The following DHX29 variants were observed in gnomAD, a reference collection of about 807,000 sequenced individuals.
DHX29 encodes the protein DExH-box helicase 29.
In DHX29, 79 loss-of-function variants were observed where a neutral mutation model predicts 167.9. That is an observed-to-expected ratio of 0.47 (90% CI 0.39 to 0.57). The LOEUF (loss-of-function observed/expected upper bound fraction) is 0.57. Among genes scored for constraint, DHX29 ranks in the 20% least tolerant of loss-of-function variants. The pLI, the probability that DHX29 is intolerant of heterozygous loss-of-function variation, is 0.00. For missense variants in DHX29, 1,347 were observed against 1,593.4 expected, an observed-to-expected ratio of 0.85 and a Z score of 2.63; for synonymous variants, 530 against 546.0, an observed-to-expected ratio of 0.97 and a Z score of 0.41.
chr5:55,282,757 A>G (rs1747498454), intron 11 of DHX29, among the ~76,000 whole-genome samples: 1 of 151,982 alleles, frequency 6.6e-6, no homozygotes, highest in African/African-American at 2.4e-5. Context: ...TTTTTTAAAT[A>G]TGGGGTTGGA....
At chr5:55,275,989 G>A (rs1034898936) in intron 14 of DHX29, among the ~76,000 whole-genome samples, 1 of 152,116 alleles carries the variant, frequency 6.6e-6, no homozygotes, top group Non-Finnish European at 1.5e-5. Context: ...ATAAAAAGAA[G>A]TTGCTTCTAA....
chr5:55,294,806 A>T (rs1339020771), intron 5 of DHX29: 1 of 152,794 alleles, frequency 6.5e-6, no homozygotes, highest in East Asian at 1.9e-4. Flanking sequence ...TTACAGTCCC[A>T]TTATTCACAC....
At chr5:55,257,491 C>G (rs1449520595) in intron 26 of DHX29, among the ~76,000 whole-genome samples, 2 of 152,112 alleles carry the variant, frequency 1.3e-5, no homozygotes, top group Non-Finnish European at 2.9e-5. Flanking sequence ...GTGGTGTGAT[C>G]ACAGCTCACT....
In DHX29 at chr5:55,262,852, G is replaced by T. The variant is rs1370186802; in HGVS notation, c.3606C>A (p.Asn1202Lys). ...SSTTSTSWEG[N>K]RASQTLSFQE... ...GGAATGAGAGGGTCTGTGAGGCTCT[G>T]TTTCCTTCCCAGCTGGTAGAAGTTG... is the stretch of plus-strand genomic sequence containing the variant. Residue 1202 changes from asparagine (N) to lysine (K), a missense_variant, in exon 24 of 27, where the codon AAC (asparagine) becomes AAA (lysine). Asn to Lys is a moderately conservative substitution (Grantham distance 94). Around this residue, in one of 3 missense-constraint regions of DHX29, gnomAD observed 882 missense variants for 1,082.4 expected, o/e 0.81. Transcript: ENST00000251636. 1 of 1,614,002 alleles carries T rather than the reference G, an allele frequency of 6.2e-7. No individual in the cohort carries two copies. Among genetic ancestry groups the T allele is most frequent in the Admixed American group, 1.7e-5 (1 of 60,022 alleles).
At chr5:55,297,595 A>C (rs181753844) in intron 2 of DHX29, among the ~76,000 whole-genome samples, 197 bp from the exon 3 acceptor site, 1 of 152,312 alleles carries the variant, frequency 6.6e-6, no homozygotes, top group East Asian at 1.9e-4. Context: ...GTGATATGAA[A>C]AAAGCAACAA....
chr5:55,267,165 A>G lies in DHX29; in HGVS notation c.3498T>C (p.Leu1166=). ...SEITYCRRNF[L]NRTSLLTLED... Reference sequence around the variant, plus strand: ...CTAGGGTTAACAGTGATGTTCTATTAAGAAAGTTCCTCCGGCAGTATGTGA... The same window carrying G: ...CTAGGGTTAACAGTGATGTTCTATTGAGAAAGTTCCTCCGGCAGTATGTGA... The change falls in exon 23 of 27, where the codon CTT becomes CTC. Residue 1166 remains leucine, a synonymous_variant. Transcript: ENST00000251636. 1 of 1,612,718 alleles carries G rather than the reference A, an allele frequency of 6.2e-7. No homozygotes were observed. Among genetic ancestry groups the G allele is most frequent in the Non-Finnish European group, 8.5e-7 (1 of 1,179,106 alleles).
At chr5:55,291,868 G>A (rs1461717529) in intron 6 of DHX29, among the ~76,000 whole-genome samples, 1 of 152,076 alleles carries the variant, frequency 6.6e-6, no homozygotes, top group Non-Finnish European at 1.5e-5. Flanking sequence ...CTTTTTTAAG[G>A]CTGAATACTA....
intron 12 of DHX29, among the ~76,000 whole-genome samples, chr5:55,278,352 A>T (rs1747227976): frequency 6.6e-6 from 1 of 152,234 alleles, no homozygotes; most frequent in Non-Finnish European, 1.5e-5. Flanking sequence ...TCTGAAATCA[A>T]TTGCTAGGGT....
At chr5:55,288,138 G>C (rs1747840761) in intron 8 of DHX29, among the ~76,000 whole-genome samples, 1 of 152,046 alleles carries the variant, frequency 6.6e-6, no homozygotes, top group South Asian at 2.1e-4. Flanking sequence ...AGCTACTTGG[G>C]AGGCTGAGGC....
Position 55,272,069 on chromosome 5 carries a change from T to G in DHX29, c.2864+18A>C, listed in dbSNP as rs1236665362. On this transcript the variant is annotated intron_variant, in intron 18 of 26. Transcript: ENST00000251636. Reference sequence around the variant, plus strand: ...TTTCCAGGTTAAAAATGTTTTGATTTGGGAAATTTAAACTTACTTATTTTC... The same window carrying G: ...TTTCCAGGTTAAAAATGTTTTGATTGGGGAAATTTAAACTTACTTATTTTC... 1.4e-6 allele frequency: 2 copies of G among 1,438,708 alleles called. No homozygotes were observed. Among genetic ancestry groups the G allele is most frequent in the South Asian group, 2.5e-5 (2 of 79,760 alleles). The allele number at this position is 1,438,708 out of a possible 1,614,324, so 89.1% of individuals were successfully genotyped here. A position where few individuals can be genotyped will look rare whatever the true frequency, so the allele number is the denominator to read the frequency against.
chr5:55,277,608 G>A (rs890303904), intron 12 of DHX29, among the ~76,000 whole-genome samples: 2 of 151,986 alleles, frequency 1.3e-5, no homozygotes, highest in Admixed American at 6.6e-5. Context: ...TTTGAGGGGT[G>A]CATGAAAAAG....
chr5:55,277,170 T>C lies in DHX29; in HGVS notation c.2222A>G (p.Lys741Arg). ...GCAGTGTGTGAAATATGTAGAAAAT[T>C]TTTCGCTGTCCACAGTGGCACTCAT... ...ILMSATVDSEKFSTYFTHCPI... is the reference protein window; with the variant it reads ...ILMSATVDSERFSTYFTHCPI... The change falls in exon 13 of 27, where the codon AAA becomes AGA. Residue 741 changes from lysine to arginine, a missense_variant. Lys to Arg is a conservative substitution (Grantham distance 26). Around this residue, in one of 3 missense-constraint regions of DHX29, gnomAD observed 882 missense variants for 1,082.4 expected, o/e 0.81. Transcript: ENST00000251636. 6.2e-7 allele frequency: 1 copy of C among 1,612,940 alleles called. No individual in the cohort carries two copies. Among genetic ancestry groups the C allele is most frequent in the Non-Finnish European group, 8.5e-7 (1 of 1,179,294 alleles).
intron 26 of DHX29, among the ~76,000 whole-genome samples, chr5:55,256,999 T>G (rs1489571404): frequency 6.6e-6 from 1 of 152,168 alleles, no homozygotes; most frequent in Non-Finnish European, 1.5e-5. Flanking sequence ...GTTACCAGTT[T>G]CTCCATGTTT....
chr5:55,300,313 TAC>T (rs923200173), intron 1 of DHX29, among the ~76,000 whole-genome samples: 3 of 152,082 alleles, frequency 2.0e-5, no homozygotes, highest in Non-Finnish European at 2.9e-5. Context: ...CAGTAGTAGC[TAC>T]AGTGAGCTGT....
rs532532554 is a variant in DHX29 at position 55,260,136 on chromosome 5, G to A, written c.3961-192C>T. On this transcript the variant is annotated intron_variant, in intron 25 of 26. Transcript: ENST00000251636. ...CCTGTCAATTTCCTTATTAAATCTG[G>A]TAACTCTTCCCAAAATAAGGCAACT... Among the ~76,000 whole-genome samples, 12 of 152,220 alleles carry A rather than the reference G, an allele frequency of 7.9e-5. No homozygotes were observed. In the South Asian group the frequency reaches 1.2e-3, roughly 16 times the overall value.
At chr5:55,281,283 T>G in intron 12 of DHX29, 89 bp downstream of exon 12, 1 of 1,133,726 alleles carries the variant, frequency 8.8e-7, no homozygotes, top group Non-Finnish European at 1.2e-6. Flanking sequence ...TTAGTAAGCA[T>G]AAAGAAAATG....
chr5:55,289,409 G>T lies in DHX29; in HGVS notation c.927C>A (p.Asp309Glu). 1 of 1,543,098 alleles carries T rather than the reference G, an allele frequency of 6.5e-7. No homozygotes were observed. Residue 309 changes from aspartate to glutamate, a missense_variant, in exon 8 of 27, where the codon GAC (aspartate) becomes GAA (glutamate). Asp to Glu is a conservative substitution (Grantham distance 45, BLOSUM62 2). Coordinates refer to ENST00000251636, the MANE Select transcript of DHX29 (RefSeq NM_019030.4). ...TCATGGCTGGGTTAAATACTGGATG[G>T]TCTTCTAAAGTTTCCATTTCTACCA... The part of the protein sequence containing the change: ...KFQREMETLE[D>E]HPVFNPAMKI...
intron 20 of DHX29, 36 bp from the exon 21 acceptor site, chr5:55,269,673 TCAAAGAATGAACACTACC>T: frequency 1.9e-6 from 3 of 1,549,162 alleles, no homozygotes; most frequent in Non-Finnish European, 2.7e-6. Flanking sequence ...TGGTATGAAA[TCAAAGAATGAACACTACC>T]CAATGAGATG....
intron 1 of DHX29, among the ~76,000 whole-genome samples, chr5:55,300,977 C>A (rs1468532589): frequency 6.6e-6 from 1 of 152,122 alleles, no homozygotes; most frequent in Non-Finnish European, 1.5e-5. Flanking sequence ...AGGTGGCCAT[C>A]ATCTTGCTAT....
Sources: gnomAD v4.1 joint callset for allele counts (sites outside exome capture counted in the v4.1 genomes callset) on GRCh38, gnomAD v4.1.1 for gene constraint, gnomAD v4.1.1 regional missense constraint, MANE v1.5 for transcripts, NCBI Gene and HGNC (gene_info 2026-07-23, HGNC 2026-07-21) for gene names.